The following URI1 variants were observed in gnomAD, a reference collection of about 807,000 sequenced individuals.
URI1 encodes the protein unconventional prefoldin RPB5 interactor 1.
URI1 carries 39 observed loss-of-function variants against 60.2 expected under a neutral mutation model. That is an observed-to-expected ratio of 0.65 (90% CI 0.50 to 0.85). The LOEUF (loss-of-function observed/expected upper bound fraction) is 0.85. URI1 is among the 40% of genes least tolerant of loss of function. The probability of loss-of-function intolerance (pLI) is 0.00; values close to 1 mark genes in which losing one functional copy is unlikely to be tolerated. For synonymous variants in URI1, 251 were observed against 236.8 expected, an observed-to-expected ratio of 1.06 and a Z score of -0.55; for missense variants, 691 against 665.9, an observed-to-expected ratio of 1.04 and a Z score of -0.42.
chr19:29,998,314 G>C (rs930715121), intron 4 of URI1, among the ~76,000 whole-genome samples: 1 of 152,096 alleles, frequency 6.6e-6, no homozygotes, highest in Admixed American at 6.6e-5. Flanking sequence ...CTGTTGTTGG[G>C]TGGAGGTTTC....
chr19:29,969,438 ACATTAGGTAGACTATC>A (rs1410446656), intron 1 of URI1, among the ~76,000 whole-genome samples: 1 of 152,248 alleles, frequency 6.6e-6, no homozygotes, highest in African/African-American at 2.4e-5. Flanking sequence ...CTTCCTGGAA[ACATTAGGTAGACTATC>A]TTCTATAACC....
intron 6 of URI1, 136 bp downstream of exon 6, chr19:30,005,844 T>C: frequency 1.3e-6 from 1 of 742,460 alleles, no homozygotes; most frequent in Non-Finnish European, 2.1e-6. Context: ...TTTCTACTCA[T>C]TGATTTTTTT....
At chr19:30,003,757 A>G (rs2055905462) in intron 4 of URI1, among the ~76,000 whole-genome samples, 2 of 152,150 alleles carry the variant, frequency 1.3e-5, no homozygotes, top group Non-Finnish European at 1.5e-5. Context: ...CAGTATTTAT[A>G]TGTGGATAGA....
chr19:29,928,878 C>T (rs1169043017), intron 1 of URI1, among the ~76,000 whole-genome samples: 1 of 152,146 alleles, frequency 6.6e-6, no homozygotes, highest in Non-Finnish European at 1.5e-5. Context: ...ACCCAGAACT[C>T]ATTTAGGGAC....
chr19:29,990,188 G>A (rs1279602978), intron 4 of URI1, among the ~76,000 whole-genome samples: 1 of 152,028 alleles, frequency 6.6e-6, no homozygotes, highest in Admixed American at 6.5e-5. Flanking sequence ...AAAATGAATT[G>A]GCAACAAGAC....
chr19:30,014,525 A>G (rs1488390779), intron 10 of URI1, among the ~76,000 whole-genome samples: 1 of 152,200 alleles, frequency 6.6e-6, no homozygotes, highest in Non-Finnish European at 1.5e-5. Flanking sequence ...AGAGTTTGAC[A>G]CCCTAATAGC....
intron 1 of URI1, among the ~76,000 whole-genome samples, chr19:29,931,511 T>C (rs1003284162): frequency 2.0e-5 from 3 of 152,136 alleles, no homozygotes; most frequent in Non-Finnish European, 4.4e-5. Context: ...TTAACATTAA[T>C]TACTTCCATA....
intron 1 of URI1, among the ~76,000 whole-genome samples, chr19:29,931,572 T>C (rs1178766967): frequency 6.6e-6 from 1 of 152,180 alleles, no homozygotes; most frequent in Non-Finnish European, 1.5e-5. Context: ...CACTGACATA[T>C]GCATTTTGGA....
intron 1 of URI1, among the ~76,000 whole-genome samples, chr19:29,947,199 C>T (rs1231309820): frequency 2.0e-5 from 3 of 152,070 alleles, no homozygotes; most frequent in South Asian, 2.1e-4. Context: ...AGATGGGAAA[C>T]GATTGGAATG....
In URI1 at chr19:30,015,669, T is replaced by C; in HGVS notation, c.*600T>C. ...TTTGGAAAGATATTTTGTAAAACTT[T>C]TTTTTCCAAGTAAAAACTTTATGAA... On this transcript the variant is annotated 3_prime_UTR_variant, in exon 11 of 11. Transcript: ENST00000392271. 1.5e-6 allele frequency: 2 copies of C among 1,350,458 alleles called. No individual in the cohort carries two copies. The highest frequency in any genetic ancestry group is 1.0e-6 in the Non-Finnish European group (1 of 1,004,336). The allele number at this position is 1,350,458 out of a possible 1,614,324, so 83.7% of individuals were successfully genotyped here.
chr19:29,954,819 A>G (rs1010906618), intron 1 of URI1, among the ~76,000 whole-genome samples: 2 of 151,696 alleles, frequency 1.3e-5, no homozygotes, highest in East Asian at 2.0e-4. Context: ...CAGCCGGCCT[A>G]GATAACCATT....
chr19:29,933,051 G>A (rs1190315533), intron 1 of URI1, among the ~76,000 whole-genome samples: 3 of 152,158 alleles, frequency 2.0e-5, no homozygotes, highest in Non-Finnish European at 2.9e-5. Context: ...TGCCAAATTC[G>A]TTAGTATTTT....
intron 1 of URI1, among the ~76,000 whole-genome samples, chr19:29,935,698 G>GTTTTTTTTTTTTTTTTT (rs2054963179): frequency 1.6e-5 from 2 of 126,938 alleles, no homozygotes; most frequent in African/African-American, 6.7e-5. Context: ...TTGGTTGACA[G>GTTTTTTTTTTTTTTTTT]TCTTTTTTTT....
At chr19:29,981,481 AT>A (rs1178461704) in intron 2 of URI1, among the ~76,000 whole-genome samples, 155 of 142,414 alleles carry the variant, frequency 1.1e-3, no homozygotes, top group Non-Finnish European at 1.1e-3. Flanking sequence ...GCTGCTGCCT[AT>A]TTTTTTTTTT....
intron 4 of URI1, among the ~76,000 whole-genome samples, chr19:30,003,916 G>A (rs949972818): frequency 6.6e-6 from 1 of 152,002 alleles, no homozygotes; most frequent in African/African-American, 2.4e-5. Context: ...GTTTACTGAA[G>A]CAAAAACATT....
intron 1 of URI1, among the ~76,000 whole-genome samples, chr19:29,968,402 C>G (rs1245470711): frequency 1.3e-5 from 2 of 151,786 alleles, no homozygotes; most frequent in African/African-American, 4.8e-5. Context: ...GAACAAGGCT[C>G]GCTGCCTTAT....
At chr19:30,006,125 G>C (rs2055939642) in intron 6 of URI1, among the ~76,000 whole-genome samples, 1 of 152,100 alleles carries the variant, frequency 6.6e-6, no homozygotes, top group African/African-American at 2.4e-5. Flanking sequence ...GAATGTGGGT[G>C]TATTTCAGCC....
At chr19:29,988,200 T>C (rs2055697314) in intron 4 of URI1, among the ~76,000 whole-genome samples, 1 of 152,078 alleles carries the variant, frequency 6.6e-6, no homozygotes, top group Admixed American at 6.5e-5. Flanking sequence ...AAAGCTCTTT[T>C]ATTCACATGG....
chr19:29,987,827 G>C (rs529059710), intron 4 of URI1, among the ~76,000 whole-genome samples: 119 of 152,156 alleles, frequency 7.8e-4, no homozygotes, highest in Admixed American at 1.6e-3. Context: ...TGACTTTTGG[G>C]ATCAATATTT....
Sources: gnomAD v4.1 joint callset for allele counts (sites outside exome capture counted in the v4.1 genomes callset) on GRCh38, gnomAD v4.1.1 for gene constraint, MANE v1.5 for transcripts, NCBI Gene and HGNC (gene_info 2026-07-23, HGNC 2026-07-21) for gene names.